Variants in KIAA0825 observed in about 807,000 individuals in gnomAD.
KIAA0825 encodes the protein KIAA0825, also known as uncharacterized protein KIAA0825.
Under a neutral mutation model 147.6 loss-of-function variants are expected in KIAA0825, and 119 were observed. The ratio of observed to expected loss-of-function variants is 0.81; its 90% CI spans 0.69 to 0.94. KIAA0825 has a LOEUF of 0.94. Among genes scored for constraint, KIAA0825 ranks in the 40% least tolerant of loss-of-function variants. The probability of loss-of-function intolerance (pLI) is 0.00; values close to 1 mark genes in which losing one functional copy is unlikely to be tolerated. For synonymous variants in KIAA0825, 470 were observed against 518.1 expected, an observed-to-expected ratio of 0.91 and a Z score of 1.26; for missense variants, 1,381 against 1,472.7, an observed-to-expected ratio of 0.94 and a Z score of 1.02.
intron 20 of KIAA0825, among the ~76,000 whole-genome samples, chr5:94,280,856 C>G (rs947320480): frequency 6.6e-6 from 1 of 152,080 alleles, no homozygotes. Flanking sequence ...AAGCCCATTT[C>G]AAAATCAACA....
chr5:94,516,051 T>C (rs923064280), intron 5 of KIAA0825, among the ~76,000 whole-genome samples: 2 of 152,054 alleles, frequency 1.3e-5, no homozygotes, highest in African/African-American at 2.4e-5. Flanking sequence ...CAGCACATGC[T>C]CTCTAAGAAA....
intron 20 of KIAA0825, among the ~76,000 whole-genome samples, chr5:94,200,981 A>ATATATATATATATG (rs1554242040): frequency 7.3e-6 from 1 of 136,410 alleles, no homozygotes; most frequent in Non-Finnish European, 1.6e-5. Flanking sequence ...ATATATATAT[A>ATATATATATATATG]TATGTATATC....
intron 20 of KIAA0825, among the ~76,000 whole-genome samples, chr5:94,184,839 G>C (rs1292204279): frequency 6.6e-6 from 1 of 152,050 alleles, no homozygotes; most frequent in Admixed American, 6.6e-5. Context: ...TCTGTACTTT[G>C]TCAATGAAGA....
intron 2 of KIAA0825, among the ~76,000 whole-genome samples, chr5:94,553,873 A>AAAC (rs1018071747): frequency 6.6e-6 from 1 of 152,124 alleles, no homozygotes; most frequent in Non-Finnish European, 1.5e-5. Flanking sequence ...GTTCTCTAAG[A>AAAC]AACAGCATGA....
intron 2 of KIAA0825, among the ~76,000 whole-genome samples, chr5:94,574,543 C>CAAAAAAAAAAAAAAAAAAAAAAA (rs1181241238): frequency 1.5e-5 from 1 of 65,530 alleles, no homozygotes; most frequent in Admixed American, 2.3e-4. Flanking sequence ...GACTCCATCT[C>CAAAAAAAAAAAAAAAAAAAAAAA]AAAAAAAAAA....
intron 14 of KIAA0825, among the ~76,000 whole-genome samples, chr5:94,431,101 C>T (rs1755606687): frequency 6.6e-6 from 1 of 151,994 alleles, no homozygotes. Context: ...CAGGAGTAAT[C>T]AGAGGATAAA....
intron 20 of KIAA0825, among the ~76,000 whole-genome samples, chr5:94,301,173 T>C (rs569044890): frequency 6.6e-6 from 1 of 152,194 alleles, no homozygotes; most frequent in African/African-American, 2.4e-5. Context: ...TTCCAGGAAG[T>C]TAGGAAGATA....
intron 14 of KIAA0825, among the ~76,000 whole-genome samples, chr5:94,428,146 TGTGTG>T (rs1755156473): frequency 2.0e-4 from 2 of 9,792 alleles, no homozygotes; most frequent in South Asian, 4.1e-3. Flanking sequence ...GGTCTTGTTG[TGTGTG>T]TGTGTGTGTG....
chr5:94,323,428 T>A (rs1780387683), intron 20 of KIAA0825, among the ~76,000 whole-genome samples: 1 of 151,750 alleles, frequency 6.6e-6, no homozygotes, highest in Non-Finnish European at 1.5e-5. Context: ...ACGTGTTATG[T>A]CTCTCCAATC....
intron 20 of KIAA0825, among the ~76,000 whole-genome samples, chr5:94,294,527 A>C (rs1380206642): frequency 6.6e-6 from 1 of 152,164 alleles, no homozygotes; most frequent in Non-Finnish European, 1.5e-5. Context: ...GGAGTTTGAG[A>C]CCAGCCTGAC....
intron 20 of KIAA0825, among the ~76,000 whole-genome samples, chr5:94,162,591 T>C (rs1204514905): frequency 1.3e-5 from 2 of 152,146 alleles, no homozygotes; most frequent in African/African-American, 2.4e-5. Context: ...CCATTCCTGG[T>C]CTGGTTATGC....
chr5:94,611,396 C>A (rs746468524), intron 1 of KIAA0825, among the ~76,000 whole-genome samples: 1 of 151,992 alleles, frequency 6.6e-6, no homozygotes, highest in Non-Finnish European at 1.5e-5. Context: ...CCTGAAACCA[C>A]CATGTATCTG....
At chr5:94,235,386 A>G (rs1583933351) in intron 20 of KIAA0825, among the ~76,000 whole-genome samples, 1 of 152,260 alleles carries the variant, frequency 6.6e-6, no homozygotes, top group Non-Finnish European at 1.5e-5. Flanking sequence ...AATCCAGAGT[A>G]AGACCCTGTC....
chr5:94,357,565 A>T (rs1744450012), intron 20 of KIAA0825, among the ~76,000 whole-genome samples: 1 of 152,190 alleles, frequency 6.6e-6, no homozygotes, highest in African/African-American at 2.4e-5. Context: ...ATGTTTATGG[A>T]TGGGTCTAGT....
At chr5:94,452,892 A>C (rs1192613478) in intron 13 of KIAA0825, 67 bp downstream of exon 13, 2 of 881,916 alleles carry the variant, frequency 2.3e-6, no homozygotes, top group Non-Finnish European at 3.3e-6. Context: ...TCCATTGATA[A>C]AAATTTCTAT....
At chr5:94,454,646 T>C (rs1396557556) in intron 12 of KIAA0825, among the ~76,000 whole-genome samples, 1 of 152,138 alleles carries the variant, frequency 6.6e-6, no homozygotes, top group African/African-American at 2.4e-5. Flanking sequence ...TCTAAGGAGT[T>C]TGGACTTAGT....
chr5:94,189,639 G>C (rs1055228948), intron 20 of KIAA0825, among the ~76,000 whole-genome samples: 7 of 152,042 alleles, frequency 4.6e-5, no homozygotes, highest in African/African-American at 1.7e-4. Context: ...CTATGAAAAA[G>C]TCCATTCTTT....
chr5:94,204,000 AT>A (rs1193048696), intron 20 of KIAA0825, among the ~76,000 whole-genome samples: 3 of 152,212 alleles, frequency 2.0e-5, no homozygotes, highest in Non-Finnish European at 2.9e-5. Flanking sequence ...TTTAGAAAAA[AT>A]ATCAAACTGA....
At chr5:94,239,739 T>C (rs563563763) in intron 20 of KIAA0825, among the ~76,000 whole-genome samples, 1 of 152,172 alleles carries the variant, frequency 6.6e-6, no homozygotes, top group Admixed American at 6.5e-5. Flanking sequence ...ACAAAACATA[T>C]GCACCTATGC....
Sources: allele counts gnomAD v4.1 joint callset (sites outside exome capture counted in the v4.1 genomes callset), GRCh38; gene constraint gnomAD v4.1.1; transcripts MANE v1.5; gene names NCBI Gene and HGNC (gene_info 2026-07-23, HGNC 2026-07-21).